Variants in CDYL observed in about 807,000 individuals in gnomAD.
CDYL encodes the protein chromodomain Y like, also known as chromodomain Y-like protein.
In CDYL, 8 loss-of-function variants were observed where a neutral mutation model predicts 47.3. The ratio of observed to expected loss-of-function variants is 0.17; its 90% confidence interval spans 0.10 to 0.31. The LOEUF is 0.31. Ranked by LOEUF, CDYL falls within the 10% of genes least tolerant of loss-of-function variation. The pLI, the probability that CDYL is intolerant of heterozygous loss-of-function variation, is 1.00. For missense variants in CDYL, 471 were observed against 701.4 expected (o/e 0.67, Z 3.71); for synonymous variants, 266 against 265.0 (o/e 1.00, Z -0.04).
chr6:4,917,767 A>G (rs777351653), intron 2 of CDYL, among the ~76,000 whole-genome samples: 1 of 149,508 alleles, frequency 6.7e-6, no homozygotes, highest in Non-Finnish European at 1.5e-5. Flanking sequence ...TGAAGTAGAC[A>G]TGATGATGAA....
At chr6:4,808,510 G>C (rs533605670) in intron 1 of CDYL, among the ~76,000 whole-genome samples, 83 of 152,320 alleles carry the variant, frequency 5.4e-4, no homozygotes, top group African/African-American at 2.0e-3. Flanking sequence ...AAATCCCTCT[G>C]AGAAGCAGCT....
chr6:4,815,047 C>G (rs1759633386), intron 1 of CDYL, among the ~76,000 whole-genome samples: 1 of 152,088 alleles, frequency 6.6e-6, no homozygotes, highest in South Asian at 2.1e-4. Context: ...GCCTTCTCTT[C>G]AATCCCAAAG....
At position 4,833,327 on chromosome 6, in the gene CDYL, T is replaced by G. The variant is rs1239684120; in HGVS notation, c.24+56520T>G. 1.3e-5 allele frequency among the ~76,000 whole-genome samples: 2 copies of G among 150,884 alleles called. 1 individual carries two copies. The highest frequency in any genetic ancestry group is 5.0e-5 in the African/African-American group (2 of 40,274). The stretch of plus-strand genomic sequence containing the variant: ...CTTTATTTCTGCCTTCATTTCGTTA[T>G]GTCCCCAGTAGTCATTCAGGAGCAG... On this transcript the variant is annotated intron_variant, in intron 1 of 6. Coordinates refer to ENST00000397588, the MANE Select transcript of CDYL (RefSeq NM_004824.4).
intron 2 of CDYL, among the ~76,000 whole-genome samples, chr6:4,900,785 A>ATGTATGTG (rs1279182436): frequency 4.1e-4 from 13 of 31,552 alleles, no homozygotes; most frequent in Non-Finnish European, 5.6e-4. Context: ...GTGTGTATAT[A>ATGTATGTG]TATATATATA....
intron 4 of CDYL, among the ~76,000 whole-genome samples, chr6:4,940,039 G>A (rs1413300307): frequency 6.6e-6 from 1 of 152,190 alleles, no homozygotes; most frequent in East Asian, 1.9e-4. Context: ...TTGGACAGAG[G>A]CTGTGGGCTT....
intron 2 of CDYL, among the ~76,000 whole-genome samples, chr6:4,934,298 T>C (rs985905893): frequency 6.6e-6 from 1 of 152,178 alleles, no homozygotes; most frequent in African/African-American, 2.4e-5. Flanking sequence ...TTTTGAACCA[T>C]ATGTATGTAT....
chr6:4,764,354 A>G (rs1758220226), intron 3 of CDYL, among the ~76,000 whole-genome samples: 1 of 152,084 alleles, frequency 6.6e-6, no homozygotes, highest in Non-Finnish European at 1.5e-5. Flanking sequence ...CAATGGCATG[A>G]TCTCGGCTCA....
At chr6:4,811,954 C>CT (rs1245438300) in intron 1 of CDYL, among the ~76,000 whole-genome samples, 2 of 152,190 alleles carry the variant, frequency 1.3e-5, no homozygotes, top group Non-Finnish European at 2.9e-5. Flanking sequence ...TCCACATCAT[C>CT]TCCTGTGCCT....
chr6:4,900,179 A>G (rs1349735487), intron 2 of CDYL, among the ~76,000 whole-genome samples: 1 of 152,194 alleles, frequency 6.6e-6, no homozygotes, highest in Admixed American at 6.5e-5. Flanking sequence ...ATGAATTTAT[A>G]TTCTTTTATA....
intron 3 of CDYL, among the ~76,000 whole-genome samples, chr6:4,751,148 C>A (rs1394704910): frequency 1.3e-5 from 2 of 152,180 alleles, no homozygotes; most frequent in East Asian, 3.9e-4. Flanking sequence ...AGCCACTGCG[C>A]CTGGCCAAAA....
intron 1 of CDYL, among the ~76,000 whole-genome samples, chr6:4,886,421 G>T (rs548326989): frequency 6.6e-6 from 1 of 152,082 alleles, no homozygotes; most frequent in Non-Finnish European, 1.5e-5. Flanking sequence ...CCATCCTACC[G>T]GCTGTGAAGT....
chr6:4,849,682 G>GAAAA (rs74855632), intron 1 of CDYL, among the ~76,000 whole-genome samples: 49 of 137,098 alleles, frequency 3.6e-4, no homozygotes, highest in African/African-American at 1.2e-3. Flanking sequence ...GTCATGCCAG[G>GAAAA]AAAAAAAAAA....
At chr6:4,714,248 T>C (rs1351685694) in intron 1 of CDYL, 2 of 152,264 alleles carry the variant, frequency 1.3e-5, no homozygotes, top group African/African-American at 4.8e-5. Context: ...GACACTAATA[T>C]GTCTCTCTAA....
chr6:4,743,944 A>G (rs1056588799), intron 3 of CDYL, among the ~76,000 whole-genome samples: 1 of 152,244 alleles, frequency 6.6e-6, no homozygotes, highest in Non-Finnish European at 1.5e-5. Context: ...GTGTGATAAC[A>G]GCTCCTTTTC....
chr6:4,721,766 A>G (rs1429623661), intron 2 of CDYL, among the ~76,000 whole-genome samples: 1 of 152,120 alleles, frequency 6.6e-6, no homozygotes, highest in South Asian at 2.1e-4. Flanking sequence ...AAAAGATTCA[A>G]ACAGACACAA....
chr6:4,944,101 C>T (rs1330909791), intron 5 of CDYL, among the ~76,000 whole-genome samples: 3 of 152,190 alleles, frequency 2.0e-5, no homozygotes, highest in Non-Finnish European at 4.4e-5. Flanking sequence ...TAAGAGGGAG[C>T]AAAGTTACAT....
At chr6:4,806,520 G>C (rs1339531619) in intron 1 of CDYL, among the ~76,000 whole-genome samples, 1 of 152,196 alleles carries the variant, frequency 6.6e-6, no homozygotes, top group East Asian at 1.9e-4. Context: ...CCAACTTCCT[G>C]AGTGTTAACA....
intron 2 of CDYL, among the ~76,000 whole-genome samples, chr6:4,914,301 A>G (rs1757495024): frequency 6.6e-6 from 1 of 151,120 alleles, no homozygotes. Context: ...AGGGCAGGGC[A>G]GGAGAGTACG....
chr6:4,852,125 C>T (rs1383877366), intron 1 of CDYL, among the ~76,000 whole-genome samples: 1 of 152,146 alleles, frequency 6.6e-6, no homozygotes, highest in African/African-American at 2.4e-5. Context: ...AATCCCATTT[C>T]CCGTTAATGT....
Sources: gnomAD v4.1 joint callset for allele counts (sites outside exome capture counted in the v4.1 genomes callset) on GRCh38, gnomAD v4.1.1 for gene constraint, MANE v1.5 for transcripts, NCBI Gene and HGNC (gene_info 2026-07-23, HGNC 2026-07-21) for gene names.